KIF24: variants seen among roughly 807,000 people sequenced by gnomAD.
KIF24 encodes the protein kinesin-like protein KIF24.
Under a neutral mutation model 118.9 loss-of-function variants are expected in KIF24, and 81 were observed. The ratio of observed to expected loss-of-function variants is 0.68; its 90% confidence interval spans 0.57 to 0.82. The LOEUF is 0.82. KIF24 is among the 40% of genes least tolerant of loss of function. The pLI, the probability that KIF24 is intolerant of heterozygous loss-of-function variation, is 0.00. For synonymous variants in KIF24, 599 were observed against 610.0 expected (o/e 0.98, Z 0.27); for missense variants, 1,560 against 1,661.6 (o/e 0.94, Z 1.06).
At position 34,259,809 on chromosome 9, in the gene KIF24, CA is replaced by C. The variant is rs1834990037; in HGVS notation, c.1516-105del. The C allele has an allele frequency of 4.3e-6, 3 of 696,118 alleles. No homozygotes were observed. The South Asian group carries it at 5.4e-5, about 12-fold the overall frequency. The allele number at this position is 696,118 out of a possible 1,614,324, so 43.1% of individuals were successfully genotyped here. A position where few individuals can be genotyped will look rare whatever the true frequency, so the allele number is the denominator to read the frequency against. ...CTGGGCCATAGTTCCCTTCTGTCCA[CA>C]AAAAGGTAATTAACATTAACAAAAG... On this transcript the variant is annotated intron_variant, in intron 9 of 12. Transcript: ENST00000402558.
rs765205246 is a variant in KIF24, at chr9:34,255,723, T to C, written c.3872+12A>G. On this transcript the variant is annotated intron_variant, in intron 11 of 12. Transcript: ENST00000402558. ...AAAGGGGCTCAAGTCTTAGGGAAAG[T>C]GTCCAACTTACTGCGCTTGCTCCAG... 3.8e-6 allele frequency: 6 copies of C among 1,595,070 alleles called. No homozygotes were observed. Among genetic ancestry groups the C allele is most frequent in the Non-Finnish European group, 5.1e-6 (6 of 1,170,008 alleles).
intron 3 of KIF24, 96 bp downstream of exon 3, chr9:34,306,156 C>T (rs1289274067): frequency 6.5e-6 from 5 of 772,332 alleles, no homozygotes; most frequent in Non-Finnish European, 1.1e-5. Context: ...TTTCAGTGTT[C>T]TAACAGAAAC....
At chr9:34,320,332 C>CA (rs66835823) in intron 1 of KIF24, among the ~76,000 whole-genome samples, 3,150 of 106,244 alleles carry the variant, frequency 0.03, 33 homozygotes, top group African/African-American at 0.048. Flanking sequence ...AATGTTCCAA[C>CA]AAAAAAAAAA....
chr9:34,286,982 A>G (rs1192667128), intron 5 of KIF24, among the ~76,000 whole-genome samples: 2 of 152,192 alleles, frequency 1.3e-5, no homozygotes, highest in Non-Finnish European at 2.9e-5. Flanking sequence ...ACCTGGCTAT[A>G]CTGTGATTTG....
intron 3 of KIF24, among the ~76,000 whole-genome samples, chr9:34,305,674 G>A (rs1046148259): frequency 3.3e-5 from 5 of 152,304 alleles, no homozygotes; most frequent in South Asian, 2.1e-4. Context: ...TGCAATCATA[G>A]CTCACTGTAA....
intron 9 of KIF24, among the ~76,000 whole-genome samples, chr9:34,262,644 CAAAAAAAAAAAAAAAAAAAA>C (rs1172989308): frequency 3.1e-4 from 6 of 19,612 alleles, no homozygotes; most frequent in African/African-American, 2.3e-3. Context: ...CTGTCTCTAC[CAAAAAAAAAAAAAAAAAAAA>C]AAAAAAAAAA....
At chr9:34,263,325 A>G (rs1343642152) in intron 8 of KIF24, among the ~76,000 whole-genome samples, 153 bp from the exon 9 acceptor site, 1 of 152,210 alleles carries the variant, frequency 6.6e-6, no homozygotes, top group Admixed American at 6.5e-5. Flanking sequence ...GTTTCCATTC[A>G]ACAAGAGAAA....
chr9:34,314,332 T>G (rs1837270473), intron 1 of KIF24, among the ~76,000 whole-genome samples: 1 of 151,926 alleles, frequency 6.6e-6, no homozygotes, highest in African/African-American at 2.4e-5. Flanking sequence ...CCCGGCTAAT[T>G]TTTTTGTATG....
rs1834724049 is a variant in KIF24, at chr9:34,254,199, GTCCCTGAGGGAGAAGCTGGGACCTA to G, written c.*156_*180del. ...GCATGGAACTGAGGGACAGGGGCCTGTCCCTGAGGGAGAAGCTGGGACCTATCTGAAGCCACGTGGGGCTGGGGTG... is the reference window on the plus strand; with the variant it reads ...GCATGGAACTGAGGGACAGGGGCCTGTCTGAAGCCACGTGGGGCTGGGGTG... On this transcript the variant is annotated 3_prime_UTR_variant, in exon 13 of 13. Coordinates refer to ENST00000402558, the MANE Select transcript of KIF24 (RefSeq NM_194313.4). 1.8e-6 allele frequency: 1 copy of G among 557,850 alleles called. No individual in the cohort carries two copies. The highest frequency in any genetic ancestry group is 1.9e-5 in the African/African-American group (1 of 52,122). The allele number at this position is 557,850 out of a possible 1,614,324, so 34.6% of individuals were successfully genotyped here.
rs1168001411 is a variant in KIF24 at position 34,256,265 on chromosome 9, C to G, written c.3342G>C (p.Leu1114=). The change falls in exon 11 of 13, where the codon CTG becomes CTC. Residue 1114 remains leucine, a synonymous_variant. Transcript: ENST00000402558. Reference sequence around the variant, plus strand: ...GCTTATTATCAGGGGGAGATGAGGACAGCCACAGGTGCCTAGTTGCTGAAG... The same window carrying G: ...GCTTATTATCAGGGGGAGATGAGGAGAGCCACAGGTGCCTAGTTGCTGAAG... ...PVSSATRHLW[L]SSSPPDNKPG... 1 of 1,607,700 alleles carries G rather than the reference C, an allele frequency of 6.2e-7. No individual in the cohort carries two copies.
Position 34,306,451 on chromosome 9 carries a change from T to G in KIF24, c.624-10A>C, listed in dbSNP as rs778082759. On this transcript the variant is annotated splice_polypyrimidine_tract_variant and intron_variant, in intron 2 of 12. Transcript: ENST00000402558. ...CTCTGAAGTGTTCTGTCTAATATGTTTATAAACAGGCTTTTAATTTTTAAT... is the reference window on the plus strand; with the variant it reads ...CTCTGAAGTGTTCTGTCTAATATGTGTATAAACAGGCTTTTAATTTTTAAT... The G allele has an allele frequency of 7.2e-6, 11 of 1,533,310 alleles. No homozygotes were observed. Among genetic ancestry groups the G allele is most frequent in the Non-Finnish European group, 8.8e-6 (10 of 1,131,680 alleles). 95.0% of individuals were successfully genotyped at this position (1,533,310 alleles called of 1,614,324 possible). A position where few individuals can be genotyped will look rare whatever the true frequency, so the allele number is the denominator to read the frequency against.
chr9:34,312,029 G>C (rs906022731), intron 1 of KIF24, among the ~76,000 whole-genome samples: 1 of 152,102 alleles, frequency 6.6e-6, no homozygotes, highest in Non-Finnish European at 1.5e-5. Context: ...AACTCTTTCA[G>C]AATGAAAAGC....
At chr9:34,261,714 A>C (rs1316990457) in intron 9 of KIF24, among the ~76,000 whole-genome samples, 20 of 152,182 alleles carry the variant, frequency 1.3e-4, no homozygotes, top group Admixed American at 1.3e-3. Context: ...ATAGGCAATC[A>C]CATTATTACC....
chr9:34,313,488 TTA>T (rs1837234560), intron 1 of KIF24, among the ~76,000 whole-genome samples: 1 of 151,032 alleles, frequency 6.6e-6, no homozygotes, highest in Admixed American at 6.6e-5. Context: ...GAAATTATTA[TTA>T]TTATTATTAT....
At chr9:34,327,395 T>C (rs1837703302) in intron 1 of KIF24, among the ~76,000 whole-genome samples, 1 of 152,118 alleles carries the variant, frequency 6.6e-6, no homozygotes, top group African/African-American at 2.4e-5. Context: ...AACTAAAAAC[T>C]GAGAGGCTCA....
chr9:34,310,317 T>A (rs932177373), intron 2 of KIF24, among the ~76,000 whole-genome samples: 6 of 152,218 alleles, frequency 3.9e-5, no homozygotes, highest in Admixed American at 2.6e-4. Flanking sequence ...TTAAGTCTCC[T>A]GGTTGGGTTA....
At position 34,319,534 on chromosome 9, in the gene KIF24, C is replaced by G. The variant is rs1837447130; in HGVS notation, c.-25-8163G>C. The G allele has an allele frequency of 2.5e-6, 3 of 1,189,542 alleles. No homozygotes were observed. The South Asian group carries it at 3.8e-5, about 15-fold the overall frequency. The allele number at this position is 1,189,542 out of a possible 1,614,324, so 73.7% of individuals were successfully genotyped here. A position where few individuals can be genotyped will look rare whatever the true frequency, so the allele number is the denominator to read the frequency against. On this transcript the variant is annotated intron_variant, in intron 1 of 12. Transcript: ENST00000402558. ...TATGGGAGCAAGGAGCTGCGCAGCCCCAAGCTGTTCTACTCCGACCACCCC... is the reference window on the plus strand; with the variant it reads ...TATGGGAGCAAGGAGCTGCGCAGCCGCAAGCTGTTCTACTCCGACCACCCC...
intron 6 of KIF24, chr9:34,282,410 TG>T (rs1407877711): frequency 6.6e-6 from 1 of 152,134 alleles, no homozygotes; most frequent in Non-Finnish European, 1.5e-5. Flanking sequence ...AGTTTCATTT[TG>T]GGGTGATGAA....
chr9:34,311,973 G>C (rs1049961897), intron 1 of KIF24, among the ~76,000 whole-genome samples: 5 of 152,014 alleles, frequency 3.3e-5, no homozygotes, highest in Non-Finnish European at 7.4e-5. Context: ...TTAATGTCAA[G>C]GCATGCTGCA....
Sources: gnomAD v4.1 joint callset for allele counts (sites outside exome capture counted in the v4.1 genomes callset) on GRCh38, gnomAD v4.1.1 for gene constraint, MANE v1.5 for transcripts, NCBI Gene and HGNC (gene_info 2026-07-23, HGNC 2026-07-21) for gene names.